The following AGPAT5 variants were observed in gnomAD, a reference collection of about 807,000 sequenced individuals.
AGPAT5 encodes 1-acylglycerol-3-phosphate O-acyltransferase 5, also known as 1-acyl-sn-glycerol-3-phosphate acyltransferase epsilon.
In AGPAT5, 46 loss-of-function variants were observed where a neutral mutation model predicts 45.6. The observed-to-expected ratio is 1.01, with a 90% CI of 0.80 to 1.29. AGPAT5 has a LOEUF of 1.29. AGPAT5 is among the 50% of genes most tolerant of loss of function. The pLI is 0.00. For missense variants in AGPAT5, 673 were observed against 450.7 expected, an observed-to-expected ratio of 1.49 and a Z score of -4.47; for synonymous variants, 272 against 167.0, an observed-to-expected ratio of 1.63 and a Z score of -4.85.
intron 4 of AGPAT5, among the ~76,000 whole-genome samples, chr8:6,740,482 G>C (rs1359447479): frequency 6.8e-6 from 1 of 147,792 alleles, no homozygotes; most frequent in African/African-American, 2.5e-5. Flanking sequence ...ATAAATTATT[G>C]TTTAATAATA....
rs541661899 is a variant in AGPAT5 at position 6,715,121 on chromosome 8, G to A, written c.219+6234G>A. 1.4e-3 allele frequency among the ~76,000 whole-genome samples: 208 copies of A among 152,234 alleles called. 1 individual carries two copies. Among genetic ancestry groups the A allele is most frequent in the Admixed American group, 6.1e-3 (93 of 15,294 alleles). ...CTGGGTACCAAGGGGTACAATGTTT[G>A]ATAGACAATGTACCTGCCATTATGG... On this transcript the variant is annotated intron_variant, in intron 1 of 7. Coordinates refer to ENST00000285518, the MANE Select transcript of AGPAT5 (RefSeq NM_018361.5).
chr8:6,716,566 G>C (rs1326570773), intron 1 of AGPAT5, among the ~76,000 whole-genome samples: 1 of 152,062 alleles, frequency 6.6e-6, no homozygotes, highest in African/African-American at 2.4e-5. Flanking sequence ...CAGGTGCGGA[G>C]GCTCACGCTG....
intron 6 of AGPAT5, among the ~76,000 whole-genome samples, chr8:6,748,426 G>A (rs1801550589): frequency 6.6e-6 from 1 of 152,174 alleles, no homozygotes; most frequent in Non-Finnish European, 1.5e-5. Context: ...GGAAGTGTGT[G>A]GAGTTTCTGT....
chr8:6,750,222 C>G (rs1359300826), intron 6 of AGPAT5, among the ~76,000 whole-genome samples: 1 of 152,200 alleles, frequency 6.6e-6, no homozygotes, highest in Non-Finnish European at 1.5e-5. Context: ...GCACTTAGCA[C>G]AGGGCTCTGC....
At chr8:6,730,849 T>C in intron 3 of AGPAT5, 23 bp downstream of exon 3, 1 of 1,508,956 alleles carries the variant, frequency 6.6e-7, no homozygotes, top group Non-Finnish European at 9.2e-7. Context: ...CATGCTTTTC[T>C]CTCTATATAT....
At chr8:6,734,511 T>G (rs1212901335) in intron 4 of AGPAT5, among the ~76,000 whole-genome samples, 1 of 152,230 alleles carries the variant, frequency 6.6e-6, no homozygotes, top group Non-Finnish European at 1.5e-5. Flanking sequence ...TTAGTCACGT[T>G]TTCCAGTTGA....
chr8:6,723,792 T>C (rs1800589037), intron 1 of AGPAT5, among the ~76,000 whole-genome samples: 1 of 152,232 alleles, frequency 6.6e-6, no homozygotes, highest in South Asian at 2.1e-4. Context: ...GAACTTTATG[T>C]TATCTAAGTG....
chr8:6,730,870 AATTTT>A, intron 3 of AGPAT5, 44 bp downstream of exon 3: 2 of 1,243,236 alleles, frequency 1.6e-6, no homozygotes, highest in South Asian at 1.4e-5. Flanking sequence ...GTAGTTTATA[AATTTT>A]TTTTTTTTTT....
chr8:6,717,841 A>G (rs527989211), intron 1 of AGPAT5, among the ~76,000 whole-genome samples: 6 of 152,348 alleles, frequency 3.9e-5, no homozygotes, highest in Admixed American at 1.3e-4. Flanking sequence ...AAAAAATTAC[A>G]TAAGCTTCTA....
chr8:6,716,064 A>C (rs1177292727), intron 1 of AGPAT5, among the ~76,000 whole-genome samples: 4 of 152,064 alleles, frequency 2.6e-5, no homozygotes, highest in Non-Finnish European at 5.9e-5. Context: ...ATTCCAACTC[A>C]AGCCCTTGCT....
intron 4 of AGPAT5, among the ~76,000 whole-genome samples, chr8:6,734,442 C>T (rs1428442561): frequency 1.3e-5 from 2 of 152,102 alleles, no homozygotes; most frequent in African/African-American, 2.4e-5. Flanking sequence ...TCACATTTCC[C>T]TTTGACCCTG....
rs1349063068 is a variant in AGPAT5 at position 6,758,454 on chromosome 8, G to C, written c.*1066G>C. On this transcript the variant is annotated 3_prime_UTR_variant, in exon 8 of 8. Coordinates refer to ENST00000285518, the MANE Select transcript of AGPAT5 (RefSeq NM_018361.5). ...GGTGCTGCTCAGCGGCTTGCACGCA[G>C]ACTTGCTAGGAAGAAATGCAGAGCC... is the stretch of plus-strand genomic sequence containing the variant. 1 of 152,648 alleles carries C rather than the reference G, an allele frequency of 6.6e-6. No homozygotes were observed. Among genetic ancestry groups the C allele is most frequent in the Non-Finnish European group, 1.5e-5 (1 of 68,068 alleles). 9.5% of individuals were successfully genotyped at this position (152,648 alleles called of 1,614,324 possible).
chr8:6,709,133 C>G lies in AGPAT5; in HGVS notation c.219+246C>G, dbSNP rs1008782949. The G allele has an allele frequency of 1.9e-5, 11 of 576,610 alleles. No individual in the cohort carries two copies. In the Admixed American group the frequency reaches 2.6e-4, roughly 14 times the overall value. 35.7% of individuals were successfully genotyped at this position (576,610 alleles called of 1,614,324 possible). ...GGGACCCGCCGCCCCTTTCCCCGCC[C>G]CTCGCCTGGGTCTGATGCTGCTTAG... On this transcript the variant is annotated intron_variant, in intron 1 of 7. Transcript: ENST00000285518.
chr8:6,731,658 T>G (rs1800868068), intron 3 of AGPAT5, among the ~76,000 whole-genome samples: 1 of 152,088 alleles, frequency 6.6e-6, no homozygotes, highest in Non-Finnish European at 1.5e-5. Context: ...TGTACAAAGT[T>G]CAAACAAATA....
intron 1 of AGPAT5, among the ~76,000 whole-genome samples, chr8:6,721,620 G>A (rs1038633564): frequency 2.0e-5 from 3 of 152,152 alleles, no homozygotes; most frequent in African/African-American, 7.2e-5. Context: ...AGTTCTCATC[G>A]TAAAATGACA....
chr8:6,720,240 C>G (rs1385106263), intron 1 of AGPAT5, among the ~76,000 whole-genome samples: 1 of 120,994 alleles, frequency 8.3e-6, no homozygotes, highest in East Asian at 2.5e-4. Flanking sequence ...ATTCTGGACA[C>G]AATTTGATCA....
intron 1 of AGPAT5, among the ~76,000 whole-genome samples, chr8:6,719,910 G>T (rs763471142): frequency 6.6e-6 from 1 of 152,206 alleles, no homozygotes; most frequent in Non-Finnish European, 1.5e-5. Context: ...ATCGTGTCCT[G>T]AGAAGCACCA....
chr8:6,709,097 A>C (rs1800046076), intron 1 of AGPAT5: 1 of 632,372 alleles, frequency 1.6e-6, no homozygotes, highest in African/African-American at 1.8e-5. Context: ...CGTCGTCCTG[A>C]GGCTACGAGT....
chr8:6,717,147 T>G (rs1800359771), intron 1 of AGPAT5, among the ~76,000 whole-genome samples: 1 of 152,198 alleles, frequency 6.6e-6, no homozygotes, highest in African/African-American at 2.4e-5. Flanking sequence ...TTGGTTTAGT[T>G]GTGAATCAAA....
Sources: gnomAD v4.1 joint callset for allele counts (sites outside exome capture counted in the v4.1 genomes callset) on GRCh38, gnomAD v4.1.1 for gene constraint, MANE v1.5 for transcripts, NCBI Gene and HGNC (gene_info 2026-07-23, HGNC 2026-07-21) for gene names.